The following CUX2 variants were observed in gnomAD, a reference collection of about 807,000 sequenced individuals.
CUX2 encodes cut like homeobox 2.
CUX2 carries 40 observed loss-of-function variants against 144.8 expected under a neutral mutation model. The ratio of observed to expected loss-of-function variants is 0.28; its 90% CI spans 0.21 to 0.36. CUX2 has a LOEUF of 0.36. Among genes scored for constraint, CUX2 ranks in the 10% least tolerant of loss-of-function variants. CUX2 has a pLI of 1.00. For synonymous variants in CUX2, 827 were observed against 875.6 expected (o/e 0.94, Z 0.98); for missense variants, 1,615 against 1,994.0 (o/e 0.81, Z 3.62).
intron 10 of CUX2, among the ~76,000 whole-genome samples, chr12:111,306,129 C>T (rs1229861462): frequency 6.6e-6 from 1 of 152,076 alleles, no homozygotes. Flanking sequence ...TTAATTAACC[C>T]CCGTGGAACC....
At chr12:111,155,223 C>G (rs956656845) in intron 1 of CUX2, among the ~76,000 whole-genome samples, 6 of 152,190 alleles carry the variant, frequency 3.9e-5, no homozygotes, top group African/African-American at 1.4e-4. Flanking sequence ...CACTTCACCT[C>G]TCTGAGCCTC....
intron 1 of CUX2, among the ~76,000 whole-genome samples, chr12:111,167,818 C>A (rs1878251036): frequency 6.6e-6 from 1 of 152,114 alleles, no homozygotes; most frequent in African/African-American, 2.4e-5. Context: ...CCTCAGCCTT[C>A]TGAGTAGCTG....
intron 1 of CUX2, among the ~76,000 whole-genome samples, chr12:111,042,642 A>AT (rs991626214): frequency 6.6e-6 from 1 of 151,910 alleles, no homozygotes; most frequent in Non-Finnish European, 1.5e-5. Flanking sequence ...TTTTATTATT[A>AT]TTTTTTTGAG....
At chr12:111,139,542 G>A (rs1876155070) in intron 1 of CUX2, among the ~76,000 whole-genome samples, 2 of 152,190 alleles carry the variant, frequency 1.3e-5, no homozygotes, top group Admixed American at 6.5e-5. Context: ...CAACCCCTCA[G>A]AGGAGGCTCT....
At chr12:111,069,037 G>C (rs73413525) in intron 1 of CUX2, among the ~76,000 whole-genome samples, 11,073 of 152,074 alleles carry the variant, frequency 0.073, 1,340 homozygotes, top group African/African-American at 0.25. Flanking sequence ...ACCCAGGAAG[G>C]TAAGGTTGCA....
In CUX2 at chr12:111,287,203, C is replaced by A. The variant is rs1013660950; in HGVS notation, c.302-4215C>A. Among the ~76,000 whole-genome samples, 1 of 152,228 alleles carries A rather than the reference C, an allele frequency of 6.6e-6. No individual in the cohort carries two copies. The highest frequency in any genetic ancestry group is 2.4e-5 in the African/African-American group (1 of 41,466). On this transcript the variant is annotated intron_variant, in intron 4 of 21. Transcript: ENST00000261726. The surrounding 1 kb of genome is among the most constrained non-coding windows in gnomAD (Gnocchi z 4.2). The stretch of plus-strand genomic sequence containing the variant: ...ACGAAATGTCAATACCTAATCCCTG[C>A]GAACAGGGTGAGTGACAGACATCCT...
intron 3 of CUX2, among the ~76,000 whole-genome samples, chr12:111,243,867 A>G (rs2136263974): frequency 6.6e-6 from 1 of 152,232 alleles, no homozygotes; most frequent in South Asian, 2.1e-4. Context: ...CTCCCTGTCC[A>G]TCCCTTCCTG....
intron 1 of CUX2, among the ~76,000 whole-genome samples, chr12:111,064,405 C>T (rs561895470): frequency 7.2e-5 from 11 of 152,114 alleles, no homozygotes; most frequent in African/African-American, 1.4e-4. Flanking sequence ...TTTAAACATA[C>T]GCTTATAACA....
At chr12:111,227,201 G>A (rs16941332) in intron 3 of CUX2, among the ~76,000 whole-genome samples, 3,658 of 152,304 alleles carry the variant, frequency 0.024, 142 homozygotes, top group African/African-American at 0.083. Context: ...TTACTCATGC[G>A]TTCAGGAAGG....
intron 3 of CUX2, among the ~76,000 whole-genome samples, chr12:111,240,827 T>C (rs1047988290): frequency 6.6e-6 from 1 of 152,120 alleles, no homozygotes; most frequent in Non-Finnish European, 1.5e-5. Context: ...GGAGGAATGG[T>C]GGAGTGATTC....
At chr12:111,126,808 C>G (rs1875113575) in intron 1 of CUX2, among the ~76,000 whole-genome samples, 1 of 152,230 alleles carries the variant, frequency 6.6e-6, no homozygotes, top group South Asian at 2.1e-4. Context: ...GTCAACTTGG[C>G]ACCCATATGC....
At chr12:111,257,064 C>T (rs574718577) in intron 3 of CUX2, among the ~76,000 whole-genome samples, 1 of 152,142 alleles carries the variant, frequency 6.6e-6, no homozygotes, top group Non-Finnish European at 1.5e-5. Flanking sequence ...CGTTCATCCT[C>T]GGGGGACTAA....
Position 111,061,070 on chromosome 12 carries a change from G to A in CUX2, c.63+26830G>A, listed in dbSNP as rs1033068625. Among the ~76,000 whole-genome samples, 3 of 151,678 alleles carry A rather than the reference G, an allele frequency of 2.0e-5. No individual in the cohort carries two copies. The highest frequency in any genetic ancestry group is 7.3e-5 in the African/African-American group (3 of 40,970). ...TGCTGCCCCCTCCCCCGCTTCCTTG[G>A]GGCTGTTCATGGGAGGCCTCCCCTC... On this transcript the variant is annotated intron_variant, in intron 1 of 21. Transcript: ENST00000261726. The surrounding 1 kb of genome is among the most constrained non-coding windows in gnomAD (Gnocchi z 4.2).
intron 1 of CUX2, among the ~76,000 whole-genome samples, chr12:111,188,642 G>T (rs1342542216): frequency 4.6e-5 from 7 of 152,142 alleles, no homozygotes; most frequent in Admixed American, 3.3e-4. Context: ...CAGAGAGCGG[G>T]GGGGAAAGGA....
chr12:111,089,614 G>A (rs1168661565), intron 1 of CUX2, among the ~76,000 whole-genome samples: 4 of 152,326 alleles, frequency 2.6e-5, no homozygotes, highest in Admixed American at 1.3e-4. Flanking sequence ...CATCCAGAGG[G>A]CCTGGAAAGC....
chr12:111,328,223 C>T (rs1887908376), intron 18 of CUX2, among the ~76,000 whole-genome samples: 1 of 152,132 alleles, frequency 6.6e-6, no homozygotes, highest in African/African-American at 2.4e-5. Flanking sequence ...CACAAAGTCC[C>T]ACAGAGTCTG....
chr12:111,299,465 A>G (rs1886177067), intron 9 of CUX2, among the ~76,000 whole-genome samples: 4 of 152,084 alleles, frequency 2.6e-5, no homozygotes, highest in Admixed American at 2.0e-4. Flanking sequence ...GGCTGATTCT[A>G]TGTCCCTGGG....
At chr12:111,308,933 C>A (rs985696645) in intron 14 of CUX2, among the ~76,000 whole-genome samples, 11 of 152,088 alleles carry the variant, frequency 7.2e-5, no homozygotes, top group African/African-American at 2.7e-4. Flanking sequence ...GAGACCGAGT[C>A]TCTCTCTGTC....
intron 10 of CUX2, among the ~76,000 whole-genome samples, chr12:111,305,701 A>G (rs1886544066): frequency 6.6e-6 from 1 of 152,092 alleles, no homozygotes; most frequent in African/African-American, 2.4e-5. Context: ...AGTGCCTAAA[A>G]TGGTGCTTGG....
Sources: allele counts gnomAD v4.1 joint callset (sites outside exome capture counted in the v4.1 genomes callset), GRCh38; gene constraint gnomAD v4.1.1; non-coding constraint Gnocchi (gnomAD v3.1); transcripts MANE v1.5; gene names NCBI Gene and HGNC (gene_info 2026-07-23, HGNC 2026-07-21).